Variants in MLANA observed in about 807,000 individuals in gnomAD.
MLANA encodes melan-A, also known as melanoma antigen recognized by T-cells 1.
In MLANA, 21 loss-of-function variants were observed where a neutral mutation model predicts 15.7. The observed-to-expected ratio is 1.33, with a 90% CI of 0.95 to 1.92. MLANA has a LOEUF of 1.92. Among genes scored for constraint, MLANA ranks in the 40% most tolerant of loss-of-function variants. MLANA has a pLI of 0.00. For synonymous variants in MLANA, 56 were observed against 51.5 expected (o/e 1.09, Z -0.37); for missense variants, 164 against 143.8 (o/e 1.14, Z -0.72).
chr9:5,904,792 G>A (rs1233564944), intron 3 of MLANA, among the ~76,000 whole-genome samples: 2 of 92,932 alleles, frequency 2.2e-5, no homozygotes, highest in Non-Finnish European at 4.5e-5. Flanking sequence ...TTTTTTTTTT[G>A]AGACGGAGTC....
chr9:5,892,648 T>C, intron 2 of MLANA, 97 bp downstream of exon 2: 2 of 947,816 alleles, frequency 2.1e-6, no homozygotes, highest in South Asian at 1.8e-5. Flanking sequence ...TAAATCTCCC[T>C]AGTGTTTATC....
chr9:5,902,956 A>G (rs1402663592), intron 3 of MLANA, among the ~76,000 whole-genome samples: 1 of 152,166 alleles, frequency 6.6e-6, no homozygotes, highest in Non-Finnish European at 1.5e-5. Flanking sequence ...TACACATTCA[A>G]TGTCATACAT....
intron 2 of MLANA, among the ~76,000 whole-genome samples, chr9:5,897,034 G>A (rs1396589932): frequency 6.6e-6 from 1 of 152,320 alleles, no homozygotes; most frequent in African/African-American, 2.4e-5. Context: ...TGTATCCTCT[G>A]CCTTTTATTT....
At chr9:5,891,988 G>C (rs1831684492) in intron 1 of MLANA, among the ~76,000 whole-genome samples, 1 of 152,208 alleles carries the variant, frequency 6.6e-6, no homozygotes, top group African/African-American at 2.4e-5. Flanking sequence ...ATGTATCATA[G>C]CCTCTGTTTG....
rs1334549568 is a variant in MLANA at position 5,909,495 on chromosome 9, T to G, written c.*787T>G. The G allele has an allele frequency of 2.0e-5, 3 of 152,262 alleles. No homozygotes were observed. The highest frequency in any genetic ancestry group is 1.5e-5 in the Non-Finnish European group (1 of 68,098). The allele number at this position is 152,262 out of a possible 1,614,324, so 9.4% of individuals were successfully genotyped here. A position where few individuals can be genotyped will look rare whatever the true frequency, so the allele number is the denominator to read the frequency against. On this transcript the variant is annotated 3_prime_UTR_variant, in exon 5 of 5. Transcript: ENST00000381477. ...CTGGTCTCAAACTCCTGACCTCAGG[T>G]GATCTGCCCGCCTCAGCCTCCCAAA...
chr9:5,902,656 C>G lies in MLANA; in HGVS notation c.175-4229C>G, dbSNP rs185772149. 4.8e-4 allele frequency among the ~76,000 whole-genome samples: 72 copies of G among 150,734 alleles called. 1 individual carries two copies. In the South Asian group the frequency reaches 6.2e-3, roughly 13 times the overall value. On this transcript the variant is annotated intron_variant, in intron 3 of 4. Coordinates refer to ENST00000381477, the MANE Select transcript of MLANA (RefSeq NM_005511.2). Reference sequence around the variant, plus strand: ...AGGATTATAGCATGTGCCTCCAGGTCTGATTAATTTTCTTTTTTTTTTTTT... The same window carrying G: ...AGGATTATAGCATGTGCCTCCAGGTGTGATTAATTTTCTTTTTTTTTTTTT...
At chr9:5,907,517 TAGAAA>T (rs1353102650) in intron 4 of MLANA, among the ~76,000 whole-genome samples, 3 of 152,222 alleles carry the variant, frequency 2.0e-5, no homozygotes, top group Non-Finnish European at 4.4e-5. Flanking sequence ...TATTAGTATG[TAGAAA>T]AGAAGATAAA....
rs142741124 is a variant in MLANA, at chr9:5,894,203, C to T, written c.77+1652C>T. 5.3e-5 allele frequency among the ~76,000 whole-genome samples: 8 copies of T among 152,228 alleles called. No homozygotes were observed. The East Asian group carries it at 1.4e-3, about 26-fold the overall frequency. Reference sequence around the variant, plus strand: ...AGGCCGAAAGTGGAGTTGTCCTTTGCCATGTAGGGCCATCATGCCCAGCTG... The same window carrying T: ...AGGCCGAAAGTGGAGTTGTCCTTTGTCATGTAGGGCCATCATGCCCAGCTG... On this transcript the variant is annotated intron_variant, in intron 2 of 4. Transcript: ENST00000381477. The surrounding 1 kb of genome is among the most constrained non-coding windows in gnomAD (Gnocchi z 4.0).
Position 5,910,600 on chromosome 9 carries a change from C to G in MLANA, c.*1892C>G, listed in dbSNP as rs1833109530. ...GAACCCTACATCCCTCCAGAACCCCCAGACTGTCACTCACTGAGGGTGCTC... is the reference window on the plus strand; with the variant it reads ...GAACCCTACATCCCTCCAGAACCCCGAGACTGTCACTCACTGAGGGTGCTC... On this transcript the variant is annotated 3_prime_UTR_variant, in exon 5 of 5. Transcript: ENST00000381477. 1 of 152,420 alleles carries G rather than the reference C, an allele frequency of 6.6e-6. No homozygotes were observed. The highest frequency in any genetic ancestry group is 2.1e-4 in the South Asian group (1 of 4,828). 9.4% of individuals were successfully genotyped at this position (152,420 alleles called of 1,614,324 possible). A position where few individuals can be genotyped will look rare whatever the true frequency, so the allele number is the denominator to read the frequency against.
At chr9:5,901,869 T>C (rs1832451487) in intron 3 of MLANA, among the ~76,000 whole-genome samples, 1 of 152,214 alleles carries the variant, frequency 6.6e-6, no homozygotes, top group Admixed American at 6.5e-5. Context: ...ATAAATCCTA[T>C]TTTGTCATGG....
At chr9:5,905,662 C>T (rs1832756471) in intron 3 of MLANA, among the ~76,000 whole-genome samples, 2 of 152,220 alleles carry the variant, frequency 1.3e-5, no homozygotes, top group Admixed American at 1.3e-4. Flanking sequence ...CAGCTGCTAA[C>T]TAAAGAATAC....
At chr9:5,902,241 G>A (rs1025764106) in intron 3 of MLANA, among the ~76,000 whole-genome samples, 4 of 152,150 alleles carry the variant, frequency 2.6e-5, no homozygotes, top group Admixed American at 2.0e-4. Flanking sequence ...GACAGATTGT[G>A]TCTTTCAAAG....
chr9:5,895,020 C>A (rs939619328), intron 2 of MLANA, among the ~76,000 whole-genome samples: 3 of 152,146 alleles, frequency 2.0e-5, no homozygotes, highest in African/African-American at 7.2e-5. Flanking sequence ...CTGACATTTT[C>A]CTTGAGAACA....
At chr9:5,903,771 AC>A (rs2129970263) in intron 3 of MLANA, among the ~76,000 whole-genome samples, 1 of 152,202 alleles carries the variant, frequency 6.6e-6, no homozygotes, top group South Asian at 2.1e-4. Context: ...ATCCCTGATA[AC>A]TTTCCTTGAA....
Position 5,908,726 on chromosome 9 carries a change from G to A in MLANA, c.*18G>A, listed in dbSNP as rs777670729. Reference sequence around the variant, plus strand: ...CACCTTAAGAGCCAGCGAGACACCTGAGACATGCTGAAATTATTTCTCTCA... The same window carrying A: ...CACCTTAAGAGCCAGCGAGACACCTAAGACATGCTGAAATTATTTCTCTCA... On this transcript the variant is annotated 3_prime_UTR_variant, in exon 5 of 5. Coordinates refer to ENST00000381477, the MANE Select transcript of MLANA (RefSeq NM_005511.2). 4.4e-6 allele frequency: 7 copies of A among 1,603,240 alleles called. No individual in the cohort carries two copies. The highest frequency in any genetic ancestry group is 6.0e-6 in the Non-Finnish European group (7 of 1,170,462).
chr9:5,904,495 A>C (rs1832666876), intron 3 of MLANA, among the ~76,000 whole-genome samples: 1 of 151,760 alleles, frequency 6.6e-6, no homozygotes. Context: ...TTGAGACAGA[A>C]TCTCACTCAC....
rs140690425 is a variant in MLANA at position 5,906,329 on chromosome 9, C to CAAA, written c.175-545_175-543dup. 3.8e-5 allele frequency among the ~76,000 whole-genome samples: 5 copies of CAAA among 132,618 alleles called. No homozygotes were observed. The South Asian group carries it at 1.2e-3, about 32-fold the overall frequency. The allele number at this position is 132,618 out of a possible 152,430, so 87.0% of individuals were successfully genotyped here. A position where few individuals can be genotyped will look rare whatever the true frequency, so the allele number is the denominator to read the frequency against. On this transcript the variant is annotated intron_variant, in intron 3 of 4. Transcript: ENST00000381477. ...TGGGCAACAGAGTGAGACTCTGTCT[C>CAAA]AAAAAAAAAAAAAGAAAAGAAAAGA...
chr9:5,898,908 C>T (rs1332844070), intron 3 of MLANA: 1 of 152,140 alleles, frequency 6.6e-6, no homozygotes, highest in African/African-American at 2.4e-5. Context: ...TCTTAGATGG[C>T]CAAAGGTTTT....
At position 5,905,232 on chromosome 9, in the gene MLANA, A is replaced by G. The variant is rs75987004; in HGVS notation, c.175-1653A>G. 3.7e-3 allele frequency among the ~76,000 whole-genome samples: 567 copies of G among 152,306 alleles called. 5 individuals are homozygous for G. The highest frequency in any genetic ancestry group is 0.013 in the African/African-American group (541 of 41,582). On this transcript the variant is annotated intron_variant, in intron 3 of 4. Coordinates refer to ENST00000381477, the MANE Select transcript of MLANA (RefSeq NM_005511.2). Reference sequence around the variant, plus strand: ...TCCTTCCTCCTGTAAACTAAAAACAAAATCCTAAATCCTCCAAACAACTGA... The same window carrying G: ...TCCTTCCTCCTGTAAACTAAAAACAGAATCCTAAATCCTCCAAACAACTGA...
Sources: allele counts gnomAD v4.1 joint callset (sites outside exome capture counted in the v4.1 genomes callset), GRCh38; gene constraint gnomAD v4.1.1; non-coding constraint Gnocchi (gnomAD v3.1); transcripts MANE v1.5; gene names NCBI Gene and HGNC (gene_info 2026-07-23, HGNC 2026-07-21).